FBXO11: variants seen among roughly 807,000 people sequenced by gnomAD.
FBXO11 encodes the protein F-box only protein 11.
Under a neutral mutation model 117.0 loss-of-function variants are expected in FBXO11, and 13 were observed. The ratio of observed to expected loss-of-function variants is 0.11; its 90% confidence interval spans 0.07 to 0.18. The LOEUF (loss-of-function observed/expected upper bound fraction) is 0.18. Ranked by LOEUF, FBXO11 falls within the 10% of genes least tolerant of loss-of-function variation. The probability of loss-of-function intolerance (pLI) is 1.00; values close to 1 mark genes in which losing one functional copy is unlikely to be tolerated. For synonymous variants in FBXO11, 490 were observed against 380.5 expected, an observed-to-expected ratio of 1.29 and a Z score of -3.35; for missense variants, 767 against 1,164.4, an observed-to-expected ratio of 0.66 and a Z score of 4.97.
At position 47,905,494 on chromosome 2, in the gene FBXO11, T is replaced by C. The variant is rs758383654; in HGVS notation, c.227A>G (p.Glu76Gly). 1 of 1,229,332 alleles carries C rather than the reference T, an allele frequency of 8.1e-7. No individual in the cohort carries two copies. The highest frequency in any genetic ancestry group is 3.5e-5 in the South Asian group (1 of 28,644). 76.2% of individuals were successfully genotyped at this position (1,229,332 alleles called of 1,614,324 possible). A position where few individuals can be genotyped will look rare whatever the true frequency, so the allele number is the denominator to read the frequency against. ...PLPQERNNVGERDDDVPADMV... is the reference protein window; with the variant it reads ...PLPQERNNVGGRDDDVPADMV... ...GGGAGGTAGCGCGGCCTTACCCCGC[T>C]CGCCGACGTTGTTCCGCTCCTGAGG... Residue 76 changes from glutamate (E) to glycine (G), a missense_variant, in exon 1 of 23, where the codon GAG becomes GGG. Around this residue, in one of 10 missense-constraint regions of FBXO11, gnomAD observed 355 missense variants for 299.8 expected, o/e 1.18. Coordinates refer to ENST00000403359, the MANE Select transcript of FBXO11 (RefSeq NM_001190274.2).
At chr2:47,841,673 G>A (rs370711079) in intron 1 of FBXO11, among the ~76,000 whole-genome samples, 3 of 152,012 alleles carry the variant, frequency 2.0e-5, no homozygotes, top group Non-Finnish European at 2.9e-5. Flanking sequence ...ATGGAGTCTC[G>A]CTGTGTCGCC....
intron 1 of FBXO11, among the ~76,000 whole-genome samples, chr2:47,867,676 A>T (rs541877748): frequency 1.1e-4 from 16 of 152,340 alleles, no homozygotes; most frequent in African/African-American, 3.8e-4. Context: ...GAAATCACAA[A>T]CATAAACTTC....
intron 11 of FBXO11, among the ~76,000 whole-genome samples, chr2:47,831,199 T>C (rs1205486429): frequency 1.3e-5 from 2 of 151,608 alleles, no homozygotes; most frequent in Non-Finnish European, 2.9e-5. Context: ...GGTGAATCAC[T>C]TGAGGCCAGG....
At chr2:47,846,102 G>A (rs1479265837) in intron 1 of FBXO11, among the ~76,000 whole-genome samples, 1 of 152,140 alleles carries the variant, frequency 6.6e-6, no homozygotes, top group Non-Finnish European at 1.5e-5. Flanking sequence ...CGGCAAACTG[G>A]CTCCAACCCA....
intron 1 of FBXO11, among the ~76,000 whole-genome samples, chr2:47,844,773 T>G (rs1394105684): frequency 6.6e-6 from 1 of 152,068 alleles, no homozygotes; most frequent in Admixed American, 6.6e-5. Flanking sequence ...CACCTCAGTT[T>G]ACAGGTGTGC....
chr2:47,824,576 T>C (rs1671613088), intron 11 of FBXO11, among the ~76,000 whole-genome samples: 1 of 152,202 alleles, frequency 6.6e-6, no homozygotes, highest in South Asian at 2.1e-4. Flanking sequence ...AATAGAGAAC[T>C]GGCTAAATAC....
At chr2:47,810,624 G>C (rs1257259637) in intron 18 of FBXO11, 198 bp from the exon 19 acceptor site, 11 of 472,580 alleles carry the variant, frequency 2.3e-5, no homozygotes, top group Admixed American at 1.2e-4. Flanking sequence ...TGACAGGTAA[G>C]AGCATTCTGA....
intron 1 of FBXO11, among the ~76,000 whole-genome samples, chr2:47,853,094 T>C (rs930316904): frequency 1.3e-5 from 2 of 151,760 alleles, no homozygotes; most frequent in Non-Finnish European, 2.9e-5. Flanking sequence ...TTTTTTGAGA[T>C]GGAGTCTTGC....
Position 47,807,931 on chromosome 2 carries a change from G to T in FBXO11, c.*187C>A. ...GTAATGCTAAAACACCCAGCTTTGA[G>T]ATCCTGAGTCAATATATTGCCACTT... is the stretch of plus-strand genomic sequence containing the variant. On this transcript the variant is annotated 3_prime_UTR_variant, in exon 23 of 23. Coordinates refer to ENST00000403359, the MANE Select transcript of FBXO11 (RefSeq NM_001190274.2). 1 of 570,360 alleles carries T rather than the reference G, an allele frequency of 1.8e-6. No individual in the cohort carries two copies. The allele number at this position is 570,360 out of a possible 1,614,324, so 35.3% of individuals were successfully genotyped here. A position where few individuals can be genotyped will look rare whatever the true frequency, so the allele number is the denominator to read the frequency against.
At position 47,855,076 on chromosome 2, in the gene FBXO11, C is replaced by G. The variant is rs144340536; in HGVS notation, c.233-15307G>C. On this transcript the variant is annotated intron_variant, in intron 1 of 22. Coordinates refer to ENST00000403359, the MANE Select transcript of FBXO11 (RefSeq NM_001190274.2). ...AGAACATGAAATCAGGAATCACTTT[C>G]TAGAATTGTGAGATCACTATATCAT... is the stretch of plus-strand genomic sequence containing the variant. Among the ~76,000 whole-genome samples, 35 of 152,074 alleles carry G rather than the reference C, an allele frequency of 2.3e-4. No homozygotes were observed. The East Asian group carries it at 6.8e-3, about 29-fold the overall frequency.
chr2:47,810,637 A>G, intron 18 of FBXO11: 1 of 448,654 alleles, frequency 2.2e-6, no homozygotes, highest in Non-Finnish European at 3.9e-6. Context: ...CATTCTGACC[A>G]ATAATCTGCC....
In FBXO11 at chr2:47,807,273, TC is replaced by T; in HGVS notation, c.*844del. The T allele has an allele frequency of 4.5e-6, 1 of 223,970 alleles. No homozygotes were observed. The allele number at this position is 223,970 out of a possible 1,614,324, so 13.9% of individuals were successfully genotyped here. ...AGGACTGTTTGTTTTGAAGAGACTT[TC>T]TAAAGTGTACTTAAAACATAGTAGT... is the stretch of plus-strand genomic sequence containing the variant. On this transcript the variant is annotated 3_prime_UTR_variant, in exon 23 of 23. Transcript: ENST00000403359.
chr2:47,879,495 G>C (rs984863725), intron 1 of FBXO11, among the ~76,000 whole-genome samples: 2 of 152,138 alleles, frequency 1.3e-5, no homozygotes. Context: ...TTCTCTTACT[G>C]TGAATGAGGT....
chr2:47,840,149 T>C (rs1672906748), intron 1 of FBXO11, among the ~76,000 whole-genome samples: 1 of 151,866 alleles, frequency 6.6e-6, no homozygotes, highest in Non-Finnish European at 1.5e-5. Context: ...TTCATCGTGG[T>C]AGCCAGGATG....
chr2:47,863,131 A>C (rs887426673), intron 1 of FBXO11, among the ~76,000 whole-genome samples: 1 of 152,006 alleles, frequency 6.6e-6, no homozygotes. Flanking sequence ...AAACGAAACA[A>C]AAGTTTTCCC....
chr2:47,889,809 AG>A (rs1677128593), intron 1 of FBXO11, among the ~76,000 whole-genome samples: 1 of 152,344 alleles, frequency 6.6e-6, no homozygotes, highest in South Asian at 2.1e-4. Flanking sequence ...GGGTACCTTC[AG>A]AAAAAATAGC....
At chr2:47,894,169 T>C (rs1677476053) in intron 1 of FBXO11, among the ~76,000 whole-genome samples, 1 of 152,284 alleles carries the variant, frequency 6.6e-6, no homozygotes, top group South Asian at 2.1e-4. Flanking sequence ...GAAGAACTTA[T>C]CAAGGATGCT....
chr2:47,834,809 A>G lies in FBXO11; in HGVS notation c.780T>C (p.Tyr260=), dbSNP rs759824594. 36 of 1,613,310 alleles carry G rather than the reference A, an allele frequency of 2.2e-5. No homozygotes were observed. The Admixed American group carries it at 5.7e-4, about 25-fold the overall frequency. The change falls in exon 6 of 23, where the codon TAT becomes TAC. Residue 260 remains tyrosine (Y), a synonymous_variant. Transcript: ENST00000403359. ...ATACCAACATATTTTCTCTTCCTTT[A>G]TATCTTGCAGGGTTACTGTAGAAAT... ...AEHFYSNPAR[Y]KGRENMLYYD...
chr2:47,847,419 AG>A (rs1326901840), intron 1 of FBXO11, among the ~76,000 whole-genome samples: 1 of 152,146 alleles, frequency 6.6e-6, no homozygotes, highest in African/African-American at 2.4e-5. Context: ...GTAAAAATAT[AG>A]TATCATGGCT....
Sources: gnomAD v4.1 joint callset for allele counts (sites outside exome capture counted in the v4.1 genomes callset) on GRCh38, gnomAD v4.1.1 for gene constraint, gnomAD v4.1.1 regional missense constraint, MANE v1.5 for transcripts, NCBI Gene and HGNC (gene_info 2026-07-23, HGNC 2026-07-21) for gene names.